Variants in TAF7 observed in about 807,000 individuals in gnomAD.
The protein encoded by TAF7 is TATA-box binding protein associated factor 7, also known as transcription initiation factor TFIID subunit 7.
TAF7 carries 9 observed loss-of-function variants against 25.3 expected under a neutral mutation model. The ratio of observed to expected loss-of-function variants is 0.36; its 90% confidence interval spans 0.21 to 0.62. The LOEUF is 0.62. Among genes scored for constraint, TAF7 ranks in the 20% least tolerant of loss-of-function variants. The pLI is 0.72. For synonymous variants in TAF7, 127 were observed against 146.7 expected, an observed-to-expected ratio of 0.87 and a Z score of 0.97; for missense variants, 311 against 410.6, an observed-to-expected ratio of 0.76 and a Z score of 2.10.
Position 141,319,654 on chromosome 5 carries a change from T to C in TAF7, c.391A>G (p.Ile131Val). The C allele has an allele frequency of 3.7e-6, 6 of 1,614,214 alleles. No individual in the cohort carries two copies. The highest frequency in any genetic ancestry group is 5.1e-6 in the Non-Finnish European group (6 of 1,180,042). The change falls in exon 1 of 1, where the codon ATC (isoleucine) becomes GTC (valine). Residue 131 changes from isoleucine to valine, a missense_variant. Ile to Val is a conservative substitution (Grantham distance 29, BLOSUM62 3). This residue lies in a region of TAF7 where 119 missense variants were observed against 159.3 expected (regional missense o/e 0.75). Coordinates refer to ENST00000313368, the MANE Select transcript of TAF7 (RefSeq NM_005642.3). The surrounding 1 kb of genome is among the most constrained non-coding windows in gnomAD (Gnocchi z 5.3). Reference protein sequence around the residue: ...KKDKDKEKKFIWNHGITLPLK... With the variant: ...KKDKDKEKKFVWNHGITLPLK... ...GGCAGAGTAATTCCGTGGTTCCAGA[T>C]AAACTTTTTCTCTTTGTCCTTATCC...
Position 141,318,887 on chromosome 5 carries a change from C to T in TAF7, c.*108G>A, listed in dbSNP as rs1756116800. The T allele has an allele frequency of 4.2e-6, 4 of 942,164 alleles. No homozygotes were observed. The South Asian group carries it at 5.9e-5, about 14-fold the overall frequency. The allele number at this position is 942,164 out of a possible 1,614,324, so 58.4% of individuals were successfully genotyped here. A position where few individuals can be genotyped will look rare whatever the true frequency, so the allele number is the denominator to read the frequency against. On this transcript the variant is annotated 3_prime_UTR_variant, in exon 1 of 1. Coordinates refer to ENST00000313368, the MANE Select transcript of TAF7 (RefSeq NM_005642.3). Reference sequence around the variant, plus strand: ...AAATGAAAGAACTTAACAGAACACACAGCATTAAAAGGACTAGGAAGAGCA... The same window carrying T: ...AAATGAAAGAACTTAACAGAACACATAGCATTAAAAGGACTAGGAAGAGCA...
In TAF7 at chr5:141,320,003, G is replaced by A. The variant is rs753324807; in HGVS notation, c.42C>T (p.Ser14=). Residue 14 remains serine, a synonymous_variant, in exon 1 of 1, where the codon AGC becomes AGT. Transcript: ENST00000313368. ...SKDDAPHELE[S]QFILRLPPEY... is the part of the protein sequence containing the mutation. ...CTGGAGGCAGACGTAAGATAAACTG[G>A]CTCTCCAGTTCGTGAGGAGCATCAT... 1.9e-5 allele frequency: 31 copies of A among 1,613,582 alleles called. No individual in the cohort carries two copies. The East Asian group carries it at 6.9e-4, about 36-fold the overall frequency.
Position 141,319,369 on chromosome 5 carries a change from G to C in TAF7, c.676C>G (p.Leu226Val), listed in dbSNP as rs1381477281. The C allele has an allele frequency of 1.2e-6, 2 of 1,613,898 alleles. No homozygotes were observed. The highest frequency in any genetic ancestry group is 1.7e-6 in the Non-Finnish European group (2 of 1,180,040). ...TCTTCATCCTCACTGCTGCTGCTGA[G>C]GTCATTGAATATCTCCCGAAGCTCA... ...HDELREIFND[L>V]SSSSEDEDET... The change falls in exon 1 of 1, where the codon CTC (leucine) becomes GTC (valine). Residue 226 changes from leucine (L) to valine (V), a missense_variant. By Grantham distance (32) the Leu-to-Val change is conservative (BLOSUM62 1). Around this residue, in one of 3 missense-constraint regions of TAF7, gnomAD observed 179 missense variants for 206.7 expected, o/e 0.87. Coordinates refer to ENST00000313368, the MANE Select transcript of TAF7 (RefSeq NM_005642.3). This position sits in a 1 kb window ranked among gnomAD's most constrained non-coding sequence, Gnocchi z 5.3.
At position 141,320,407 on chromosome 5, in the gene TAF7, G is replaced by T; in HGVS notation, c.-363C>A. The T allele has an allele frequency of 5.1e-6, 1 of 194,566 alleles. No individual in the cohort carries two copies. The highest frequency in any genetic ancestry group is 1.2e-5 in the Non-Finnish European group (1 of 85,230). The allele number at this position is 194,566 out of a possible 1,614,324, so 12.1% of individuals were successfully genotyped here. A position where few individuals can be genotyped will look rare whatever the true frequency, so the allele number is the denominator to read the frequency against. ...AGCAAATGGCGGCTCCCCCGGAACG[G>T]TTTTCGGCCCAGAAAGCCCAGCAGA... On this transcript the variant is annotated 5_prime_UTR_variant, in exon 1 of 1. Coordinates refer to ENST00000313368, the MANE Select transcript of TAF7 (RefSeq NM_005642.3).
chr5:141,318,988 G>A lies in TAF7; in HGVS notation c.*7C>T. The A allele has an allele frequency of 6.4e-7, 1 of 1,573,934 alleles. No individual in the cohort carries two copies. Among genetic ancestry groups the A allele is most frequent in the Non-Finnish European group, 8.6e-7 (1 of 1,163,770 alleles). On this transcript the variant is annotated 3_prime_UTR_variant, in exon 1 of 1. Coordinates refer to ENST00000313368, the MANE Select transcript of TAF7 (RefSeq NM_005642.3). ...GTCTGAAGACTGAAATTAAATATCAGTTCTTTTTACTTCTCTAGGAGTGAT... is the reference window on the plus strand; with the variant it reads ...GTCTGAAGACTGAAATTAAATATCAATTCTTTTTACTTCTCTAGGAGTGAT...
At position 141,319,213 on chromosome 5, in the gene TAF7, C is replaced by T; in HGVS notation, c.832G>A (p.Val278Ile). The part of the protein sequence containing the change: ...HQENEGTNQL[V>I]MGIQKQIDNM... ...TCAATCTGCTTCTGAATTCCCATAA[C>T]CAGCTGATTGGTTCCTTCATTTTCC... The change falls in exon 1 of 1, where the codon GTT becomes ATT. Residue 278 changes from valine to isoleucine, a missense_variant. Transcript: ENST00000313368. This position sits in a 1 kb window ranked among gnomAD's most constrained non-coding sequence, Gnocchi z 5.3. The T allele has an allele frequency of 6.2e-7, 1 of 1,614,114 alleles. No homozygotes were observed. The highest frequency in any genetic ancestry group is 8.5e-7 in the Non-Finnish European group (1 of 1,180,046).
rs1443703736 is a variant in TAF7 at position 141,320,120 on chromosome 5, A to C, written c.-76T>G. ...AGTTCCAGCTACTGCAATAGTTTAA[A>C]ACACCAGTTTGCTATGAATTGAAAT... On this transcript the variant is annotated 5_prime_UTR_variant, in exon 1 of 1. Coordinates refer to ENST00000313368, the MANE Select transcript of TAF7 (RefSeq NM_005642.3). 1 of 1,257,292 alleles carries C rather than the reference A, an allele frequency of 8.0e-7. No individual in the cohort carries two copies. The highest frequency in any genetic ancestry group is 1.1e-6 in the Non-Finnish European group (1 of 903,746). The allele number at this position is 1,257,292 out of a possible 1,614,324, so 77.9% of individuals were successfully genotyped here.
In TAF7 at chr5:141,319,788, TAA is replaced by T; in HGVS notation, c.255_256del (p.Phe85LeufsTer5). 6.2e-7 allele frequency: 1 copy of T among 1,614,140 alleles called. No homozygotes were observed. Among genetic ancestry groups the T allele is most frequent in the Non-Finnish European group, 8.5e-7 (1 of 1,180,038 alleles). ...CATCTGACAGATATCAGCTGTCTTG[TAA>T]AAAGTTTTTTTATCAATGGTTTTCA... is the stretch of plus-strand genomic sequence containing the variant. On this transcript the variant is annotated frameshift_variant, in exon 1 of 1. Coordinates refer to ENST00000313368, the MANE Select transcript of TAF7 (RefSeq NM_005642.3). LOFTEE classifies it high-confidence loss of function. This position sits in a 1 kb window ranked among gnomAD's most constrained non-coding sequence, Gnocchi z 5.3.
Position 141,320,742 on chromosome 5 carries a change from G to A in TAF7, c.-698C>T, listed in dbSNP as rs140942166. On this transcript the variant is annotated 5_prime_UTR_variant, in exon 1 of 1. Coordinates refer to ENST00000313368, the MANE Select transcript of TAF7 (RefSeq NM_005642.3). ...CTCGCATCACCAGACCCCGCACCTC[G>A]CCGGCCCTCCGTCCGGGTCGCCTAC... 0.011 allele frequency: 1,801 copies of A among 167,306 alleles called. 41 individuals carry two copies. The highest frequency in any genetic ancestry group is 0.051 in the Admixed American group (785 of 15,312). 10.4% of individuals were successfully genotyped at this position (167,306 alleles called of 1,614,324 possible).
Position 141,319,708 on chromosome 5 carries a change from T to C in TAF7, c.337A>G (p.Ser113Gly). 1 of 1,614,176 alleles carries C rather than the reference T, an allele frequency of 6.2e-7. No homozygotes were observed. Among genetic ancestry groups the C allele is most frequent in the East Asian group, 2.2e-5 (1 of 44,890 alleles). Residue 113 changes from serine (S) to glycine (G), a missense_variant, in exon 1 of 1, where the codon AGC (serine) becomes GGC (glycine). By Grantham distance (56) the Ser-to-Gly change is moderately conservative. This residue lies in a region of TAF7 where 119 missense variants were observed against 159.3 expected (regional missense o/e 0.75). Coordinates refer to ENST00000313368, the MANE Select transcript of TAF7 (RefSeq NM_005642.3). This position sits in a 1 kb window ranked among gnomAD's most constrained non-coding sequence, Gnocchi z 5.3. Reference sequence around the variant, plus strand: ...TTCTTGCTTGCTTTAGGATCAGTGCTAGCAACTGGCTCCTCCACAGGAGGA... The same window carrying C: ...TTCTTGCTTGCTTTAGGATCAGTGCCAGCAACTGGCTCCTCCACAGGAGGA... ...LYPPVEEPVA[S>G]TDPKASKKKD... is the part of the protein sequence containing the mutation.
rs370926866 is a variant in TAF7 at position 141,318,954 on chromosome 5, T to G, written c.*41A>C. On this transcript the variant is annotated 3_prime_UTR_variant, in exon 1 of 1. Transcript: ENST00000313368. ...TACAATAAAGCCAAGAATTTTCTAATGCTGACCAGTCTGAAGACTGAAATT... is the reference window on the plus strand; with the variant it reads ...TACAATAAAGCCAAGAATTTTCTAAGGCTGACCAGTCTGAAGACTGAAATT... The G allele has an allele frequency of 1.3e-6, 2 of 1,505,454 alleles. No individual in the cohort carries two copies. Among genetic ancestry groups the G allele is most frequent in the South Asian group, 2.7e-5 (2 of 74,250 alleles). The allele number at this position is 1,505,454 out of a possible 1,614,324, so 93.3% of individuals were successfully genotyped here.
Position 141,318,776 on chromosome 5 carries a change from C to A in TAF7, c.*219G>T, listed in dbSNP as rs1465595218. On this transcript the variant is annotated 3_prime_UTR_variant, in exon 1 of 1. Coordinates refer to ENST00000313368, the MANE Select transcript of TAF7 (RefSeq NM_005642.3). ...GCTAATCCTGCAACTTTCCTACAAT[C>A]ATTTTTCTGCCTATACAATCCTGCT... 7.1e-6 allele frequency: 3 copies of A among 423,272 alleles called. No homozygotes were observed. In the East Asian group the frequency reaches 1.2e-4, roughly 16 times the overall value. The allele number at this position is 423,272 out of a possible 1,614,324, so 26.2% of individuals were successfully genotyped here.
Position 141,319,794 on chromosome 5 carries a change from G to C in TAF7, c.251C>G (p.Thr84Ser). The C allele has an allele frequency of 6.2e-7, 1 of 1,614,088 alleles. No homozygotes were observed. Among genetic ancestry groups the C allele is most frequent in the Non-Finnish European group, 8.5e-7 (1 of 1,180,038 alleles). Residue 84 changes from threonine to serine, a missense_variant, in exon 1 of 1, where the codon ACT becomes AGT. This residue lies in a region of TAF7 where 119 missense variants were observed against 159.3 expected (regional missense o/e 0.75). Coordinates refer to ENST00000313368, the MANE Select transcript of TAF7 (RefSeq NM_005642.3). The surrounding 1 kb of genome is among the most constrained non-coding windows in gnomAD (Gnocchi z 5.3). ...ACAGATATCAGCTGTCTTGTAAAAA[G>C]TTTTTTTATCAATGGTTTTCAAGCT... is the stretch of plus-strand genomic sequence containing the variant. ...MESLKTIDKK[T>S]FYKTADICQM...
Position 141,318,947 on chromosome 5 carries a change from T to G in TAF7, c.*48A>C, listed in dbSNP as rs1377391275. On this transcript the variant is annotated 3_prime_UTR_variant, in exon 1 of 1. Coordinates refer to ENST00000313368, the MANE Select transcript of TAF7 (RefSeq NM_005642.3). Reference sequence around the variant, plus strand: ...TACCCAGTACAATAAAGCCAAGAATTTTCTAATGCTGACCAGTCTGAAGAC... The same window carrying G: ...TACCCAGTACAATAAAGCCAAGAATGTTCTAATGCTGACCAGTCTGAAGAC... 3 of 1,484,800 alleles carry G rather than the reference T, an allele frequency of 2.0e-6. No individual in the cohort carries two copies. The African/African-American group carries it at 4.2e-5, about 21-fold the overall frequency. 92.0% of individuals were successfully genotyped at this position (1,484,800 alleles called of 1,614,324 possible). A position where few individuals can be genotyped will look rare whatever the true frequency, so the allele number is the denominator to read the frequency against.
Position 141,318,816 on chromosome 5 carries a change from C to A in TAF7, c.*179G>T. ...ACAATCCTGCTTCTTATAGGATGAA[C>A]ACCTAGCAAAACAATATAAATTTGC... On this transcript the variant is annotated 3_prime_UTR_variant, in exon 1 of 1. Transcript: ENST00000313368. 1 of 558,620 alleles carries A rather than the reference C, an allele frequency of 1.8e-6. No individual in the cohort carries two copies. Among genetic ancestry groups the A allele is most frequent in the South Asian group, 2.9e-5 (1 of 34,604 alleles). 34.6% of individuals were successfully genotyped at this position (558,620 alleles called of 1,614,324 possible). A position where few individuals can be genotyped will look rare whatever the true frequency, so the allele number is the denominator to read the frequency against.
At position 141,319,127 on chromosome 5, in the gene TAF7, G is replaced by A. The variant is rs950057614; in HGVS notation, c.918C>T (p.Ile306=). The A allele has an allele frequency of 6.2e-6, 10 of 1,613,934 alleles. No individual in the cohort carries two copies. The highest frequency in any genetic ancestry group is 8.5e-6 in the Non-Finnish European group (10 of 1,180,004). ...TGAGAGCCAGATTTTCCACTTTCATGATGAGATCCTCTTGTCGTTTTGCCC... is the reference window on the plus strand; with the variant it reads ...TGAGAGCCAGATTTTCCACTTTCATAATGAGATCCTCTTGTCGTTTTGCCC... The part of the protein sequence containing the change: ...QDRAKRQEDL[I]MKVENLALKN... Residue 306 remains isoleucine, a synonymous_variant, in exon 1 of 1, where the codon ATC becomes ATT. Coordinates refer to ENST00000313368, the MANE Select transcript of TAF7 (RefSeq NM_005642.3). This position sits in a 1 kb window ranked among gnomAD's most constrained non-coding sequence, Gnocchi z 5.3.
Position 141,319,673 on chromosome 5 carries a change from C to G in TAF7, c.372G>C (p.Lys124Asn), listed in dbSNP as rs767366685. The change falls in exon 1 of 1, where the codon AAG becomes AAC. Residue 124 changes from lysine to asparagine, a missense_variant. Physicochemically the swap from Lys to Asn is moderately conservative, Grantham distance 94. Around this residue, in one of 3 missense-constraint regions of TAF7, gnomAD observed 119 missense variants for 159.3 expected, o/e 0.75. Coordinates refer to ENST00000313368, the MANE Select transcript of TAF7 (RefSeq NM_005642.3). The surrounding 1 kb of genome is among the most constrained non-coding windows in gnomAD (Gnocchi z 5.3). ...TCCAGATAAACTTTTTCTCTTTGTC[C>G]TTATCCTTTTTCTTGCTTGCTTTAG... ...TDPKASKKKD[K>N]DKEKKFIWNH... The G allele has an allele frequency of 6.2e-7, 1 of 1,613,928 alleles. No homozygotes were observed. Among genetic ancestry groups the G allele is most frequent in the African/African-American group, 1.3e-5 (1 of 74,896 alleles).
rs778606228 is a variant in TAF7, at chr5:141,319,034, G to A, written c.1011C>T (p.Ser337=). The change falls in exon 1 of 1, where the codon AGC becomes AGT. Residue 337 remains serine, a synonymous_variant. Coordinates refer to ENST00000313368, the MANE Select transcript of TAF7 (RefSeq NM_005642.3). This position sits in a 1 kb window ranked among gnomAD's most constrained non-coding sequence, Gnocchi z 5.3. ...QKEDREKEQL[S]SLQEELESLL... ...GTGATTCTAGCTCCTCTTGCAAAGA[G>A]CTGAGTTGCTCCTTTTCTCGGTCTT... 2 of 1,613,094 alleles carry A rather than the reference G, an allele frequency of 1.2e-6. No homozygotes were observed. The highest frequency in any genetic ancestry group is 1.7e-6 in the Non-Finnish European group (2 of 1,179,804).
chr5:141,319,615 T>G lies in TAF7; in HGVS notation c.430A>C (p.Arg144=). The change falls in exon 1 of 1, where the codon AGG becomes CGG. Residue 144 remains arginine, a synonymous_variant. Transcript: ENST00000313368. This position sits in a 1 kb window ranked among gnomAD's most constrained non-coding sequence, Gnocchi z 5.3. The part of the protein sequence containing the change: ...HGITLPLKNV[R]KRRFRKTAKK... The stretch of plus-strand genomic sequence containing the variant: ...GCTGTCTTCCGGAACCTTCTCTTCC[T>G]GACATTCTTTAGAGGCAGAGTAATT... 6 of 1,614,218 alleles carry G rather than the reference T, an allele frequency of 3.7e-6. No homozygotes were observed. The highest frequency in any genetic ancestry group is 5.1e-6 in the Non-Finnish European group (6 of 1,180,038).
Sources: allele counts gnomAD v4.1 joint callset, GRCh38; gene constraint gnomAD v4.1.1; regional missense constraint gnomAD v4.1.1; non-coding constraint Gnocchi (gnomAD v3.1); transcripts MANE v1.5; gene names NCBI Gene and HGNC (gene_info 2026-07-23, HGNC 2026-07-21).